Variants in RYR2 observed in about 807,000 individuals in gnomAD.
The protein encoded by RYR2 is ryanodine receptor 2.
Under a neutral mutation model 601.1 loss-of-function variants are expected in RYR2, and 227 were observed. The ratio of observed to expected loss-of-function variants is 0.38; its 90% CI spans 0.34 to 0.42. RYR2 has a LOEUF of 0.42. Ranked by LOEUF, RYR2 falls within the 10% of genes least tolerant of loss-of-function variation. The pLI is 1.00. For synonymous variants in RYR2, 2,223 were observed against 2,175.1 expected (o/e 1.02, Z -0.61); for missense variants, 4,646 against 6,156.5 (o/e 0.75, Z 8.21).
intron 44 of RYR2, among the ~76,000 whole-genome samples, chr1:237,637,542 C>CT (rs1205504706): frequency 6.6e-6 from 1 of 152,170 alleles, no homozygotes; most frequent in Admixed American, 6.5e-5. Context: ...AAGGTGTTTG[C>CT]TAAATGCTGT....
intron 42 of RYR2, among the ~76,000 whole-genome samples, chr1:237,633,116 A>T (rs938486411): frequency 6.6e-6 from 1 of 152,162 alleles, no homozygotes; most frequent in African/African-American, 2.4e-5. Context: ...ATTAATACTG[A>T]TAAGAACATC....
chr1:237,457,540 C>T (rs1658983076), intron 16 of RYR2, among the ~76,000 whole-genome samples: 1 of 152,208 alleles, frequency 6.6e-6, no homozygotes, highest in Admixed American at 6.5e-5. Flanking sequence ...TGCCAATTCT[C>T]TGAGCCCCAG....
At chr1:237,713,902 A>G (rs1267108693) in intron 71 of RYR2, among the ~76,000 whole-genome samples, 2 of 151,676 alleles carry the variant, frequency 1.3e-5, no homozygotes, top group African/African-American at 4.8e-5. Flanking sequence ...TAATTTTTAT[A>G]ATTACTATAT....
chr1:237,782,197 T>C (rs1365508219), intron 89 of RYR2, among the ~76,000 whole-genome samples: 84 of 136,038 alleles, frequency 6.2e-4, no homozygotes, highest in Non-Finnish European at 8.9e-4. Context: ...TTTTTTTTTT[T>C]CCTGTAGCAG....
At chr1:237,137,927 C>T (rs1672962620) in intron 1 of RYR2, among the ~76,000 whole-genome samples, 1 of 152,176 alleles carries the variant, frequency 6.6e-6, no homozygotes. Context: ...AACATGCTTA[C>T]CCCTTCCCTA....
At chr1:237,565,217 T>TTCTTTCTTTC (rs1671933049) in intron 27 of RYR2, among the ~76,000 whole-genome samples, 2 of 142,126 alleles carry the variant, frequency 1.4e-5, no homozygotes, top group African/African-American at 5.5e-5. Context: ...CTTTCTTTCT[T>TTCTTTCTTTC]TCTTTCTTTT....
At chr1:237,097,546 C>T (rs1667619124) in intron 1 of RYR2, among the ~76,000 whole-genome samples, 1 of 152,200 alleles carries the variant, frequency 6.6e-6, no homozygotes, top group Non-Finnish European at 1.5e-5. Flanking sequence ...AACGTAATAC[C>T]TATTCCTGTT....
chr1:237,791,807 A>T, intron 93 of RYR2: 1 of 560,280 alleles, frequency 1.8e-6, no homozygotes, highest in South Asian at 2.4e-5. Context: ...TGGGTGTGGC[A>T]TACCGTATTA....
intron 1 of RYR2, among the ~76,000 whole-genome samples, chr1:237,159,104 C>T (rs748191029): frequency 2.0e-5 from 3 of 151,730 alleles, no homozygotes; most frequent in Non-Finnish European, 4.4e-5. Flanking sequence ...ACTAGCCTGA[C>T]CAACATGAAG....
At chr1:237,696,717 C>T (rs112463077) in intron 63 of RYR2, among the ~76,000 whole-genome samples, 2,832 of 151,450 alleles carry the variant, frequency 0.019, 41 homozygotes, top group South Asian at 0.036. Flanking sequence ...TCAGTGGTGC[C>T]GCCTTTCACC....
Position 237,356,516 on chromosome 1 carries a change from A to T in RYR2, c.294+531A>T, listed in dbSNP as rs920301664. 4.0e-5 allele frequency among the ~76,000 whole-genome samples: 6 copies of T among 151,722 alleles called. No homozygotes were observed. In the South Asian group the frequency reaches 6.3e-4, roughly 16 times the overall value. ...TGGACTCAAGTGATCCTTCTGCCTC[A>T]GCCTCCCAAAGTGCTGGGATTACAC... On this transcript the variant is annotated intron_variant, in intron 4 of 104. Coordinates refer to ENST00000366574, the MANE Select transcript of RYR2 (RefSeq NM_001035.3).
intron 1 of RYR2, among the ~76,000 whole-genome samples, chr1:237,254,696 C>G (rs770818326): frequency 6.6e-6 from 1 of 152,188 alleles, no homozygotes; most frequent in Non-Finnish European, 1.5e-5. Context: ...TTTATACTTA[C>G]ACATGGGTCT....
chr1:237,631,892 C>G lies in RYR2; in HGVS notation c.6555+351C>G, dbSNP rs1039649865. Reference sequence around the variant, plus strand: ...ATCCGCCCGCCTTGGCCTCCCCTCCCGAAGTGCTGGGATTACAGGCGTGAG... The same window carrying G: ...ATCCGCCCGCCTTGGCCTCCCCTCCGGAAGTGCTGGGATTACAGGCGTGAG... On this transcript the variant is annotated intron_variant, in intron 42 of 104. Transcript: ENST00000366574. Among the ~76,000 whole-genome samples the G allele has an allele frequency of 2.8e-4, 41 of 145,362 alleles. No individual in the cohort carries two copies. In the East Asian group the frequency reaches 7.5e-3, roughly 27 times the overall value.
intron 3 of RYR2, among the ~76,000 whole-genome samples, chr1:237,336,496 G>C (rs1206196840): frequency 6.6e-6 from 1 of 152,158 alleles, no homozygotes; most frequent in African/African-American, 2.4e-5. Context: ...ATTAACAGAG[G>C]TATAGATCAG....
chr1:237,494,447 A>G (rs1663804453), intron 19 of RYR2, among the ~76,000 whole-genome samples: 1 of 152,178 alleles, frequency 6.6e-6, no homozygotes, highest in African/African-American at 2.4e-5. Flanking sequence ...CTTTTATTCT[A>G]GCTGTGCTGG....
chr1:237,792,386 T>TGC lies in RYR2; in HGVS notation c.13782+64_13782+65insCG, dbSNP rs1473198380. 4.1e-3 allele frequency: 3,296 copies of TGC among 812,462 alleles called. 7 individuals are homozygous for TGC. The highest frequency in any genetic ancestry group is 0.01 in the African/African-American group (376 of 36,000). 50.3% of individuals were successfully genotyped at this position (812,462 alleles called of 1,614,324 possible). On this transcript the variant is annotated intron_variant, in intron 94 of 104. Coordinates refer to ENST00000366574, the MANE Select transcript of RYR2 (RefSeq NM_001035.3). ...GTGTGTGTGTGTGTGTGTGTGCGTG[T>TGC]GTGTGTGTGTGCGTGTGTGTGTGTG...
chr1:237,652,096 T>A (rs146658258), intron 51 of RYR2, among the ~76,000 whole-genome samples: 21 of 152,210 alleles, frequency 1.4e-4, no homozygotes, highest in African/African-American at 4.8e-4. Flanking sequence ...TTGGAAAACA[T>A]GGTAATAGGC....
At chr1:237,054,029 C>T (rs987359819) in intron 1 of RYR2, among the ~76,000 whole-genome samples, 2 of 152,136 alleles carry the variant, frequency 1.3e-5, no homozygotes, top group South Asian at 2.1e-4. Flanking sequence ...GTCTATAAAG[C>T]GGTTAATTGC....
chr1:237,331,658 A>G (rs1572629477), intron 3 of RYR2, among the ~76,000 whole-genome samples: 1 of 145,018 alleles, frequency 6.9e-6, no homozygotes, highest in Non-Finnish European at 1.5e-5. Context: ...TCCTGCCACC[A>G]CCACACCTGG....
Sources: gnomAD v4.1 joint callset for allele counts (sites outside exome capture counted in the v4.1 genomes callset) on GRCh38, gnomAD v4.1.1 for gene constraint, MANE v1.5 for transcripts, NCBI Gene and HGNC (gene_info 2026-07-23, HGNC 2026-07-21) for gene names.